TEX11: variants seen among roughly 807,000 people sequenced by gnomAD.
The protein encoded by TEX11 is testis-expressed protein 11.
TEX11 carries 7 observed loss-of-function variants against 84.4 expected under a neutral mutation model. The observed-to-expected ratio is 0.08, with a 90% CI of 0.05 to 0.16. TEX11 has a LOEUF of 0.16. Ranked by LOEUF, TEX11 falls within the 10% of genes least tolerant of loss-of-function variation. TEX11 has a pLI of 1.00. For synonymous variants in TEX11, 264 were observed against 222.8 expected, an observed-to-expected ratio of 1.18 and a Z score of -1.64; for missense variants, 551 against 660.5, an observed-to-expected ratio of 0.83 and a Z score of 1.82.
intron 9 of TEX11, among the ~76,000 whole-genome samples, chrX:70,804,696 C>T (rs1037293365): frequency 1.8e-5 from 2 of 111,076 alleles, no homozygotes; most frequent in East Asian, 2.8e-4. Context: ...CAAATATAGC[C>T]GCTAAGATAT....
chrX:70,700,387 T>A (rs961878949), intron 13 of TEX11, among the ~76,000 whole-genome samples: 1 of 112,248 alleles, frequency 8.9e-6, no homozygotes, highest in Admixed American at 9.5e-5. Context: ...TGTGTCTCTC[T>A]GTCACATTTA....
At chrX:70,889,733 G>A (rs1387328496) in intron 2 of TEX11, among the ~76,000 whole-genome samples, 1 of 111,414 alleles carries the variant, frequency 9.0e-6, no homozygotes, top group African/African-American at 3.3e-5. Context: ...AAAATAATGG[G>A]TTATAAGATA....
intron 25 of TEX11, among the ~76,000 whole-genome samples, chrX:70,566,682 T>G (rs1454070631): frequency 9.0e-6 from 1 of 111,656 alleles, no homozygotes; most frequent in Non-Finnish European, 1.9e-5. Context: ...TTGTCTTTGG[T>G]TCTGTTTATA....
At chrX:70,677,087 T>C (rs1306020954) in intron 15 of TEX11, among the ~76,000 whole-genome samples, 1 of 112,371 alleles carries the variant, frequency 8.9e-6, no homozygotes, top group Non-Finnish European at 1.9e-5. Context: ...CCTCTTCACA[T>C]GCTCAGTAAT....
At chrX:70,652,404 G>A (rs914490588) in intron 16 of TEX11, among the ~76,000 whole-genome samples, 2 of 111,543 alleles carry the variant, frequency 1.8e-5, no homozygotes, top group East Asian at 5.6e-4. Context: ...CAGCAGAAAC[G>A]AGATAGCAGA....
chrX:70,597,637 T>A (rs2089025516), intron 24 of TEX11, among the ~76,000 whole-genome samples: 1 of 112,072 alleles, frequency 8.9e-6, no homozygotes, highest in Non-Finnish European at 1.9e-5. Flanking sequence ...ATCACAGATC[T>A]ACATGTAAGA....
chrX:70,576,370 T>C (rs565854338), intron 25 of TEX11, among the ~76,000 whole-genome samples: 1 of 112,426 alleles, frequency 8.9e-6, no homozygotes, highest in East Asian at 2.8e-4. Flanking sequence ...ATTTTAAGCA[T>C]TAGTTCATTG....
At chrX:70,515,065 TCACA>T in the TEX11 span, among the ~76,000 whole-genome samples, 48 of 87,615 alleles carry the variant, frequency 5.5e-4, no homozygotes, top group Non-Finnish European at 7.8e-4. Context: ...TGAAACTCGG[TCACA>T]CACACACACA....
At chrX:70,888,099 A>T (rs2091719496) in intron 2 of TEX11, among the ~76,000 whole-genome samples, 2 of 113,035 alleles carry the variant, frequency 1.8e-5, no homozygotes, top group African/African-American at 6.4e-5. Context: ...CCAAAGAAGG[A>T]CAGGTACAAA....
intron 13 of TEX11, among the ~76,000 whole-genome samples, chrX:70,685,766 A>G (rs1413695847): frequency 8.9e-6 from 1 of 111,944 alleles, no homozygotes; most frequent in Non-Finnish European, 1.9e-5. Context: ...AATAATTGCC[A>G]TTCTGACTGG....
chrX:70,564,463 T>A (rs5980967), intron 25 of TEX11, among the ~76,000 whole-genome samples: 21,802 of 108,937 alleles, frequency 0.2, 1,802 homozygotes, highest in African/African-American at 0.23. Flanking sequence ...TGCAGGTTAG[T>A]TACATATGTA....
intron 17 of TEX11, among the ~76,000 whole-genome samples, chrX:70,644,816 A>G (rs1214227179): frequency 1.0e-5 from 1 of 98,871 alleles, no homozygotes; most frequent in African/African-American, 3.7e-5. Context: ...AGATATACCT[A>G]ATGCTAGATG....
intron 28 of TEX11, among the ~76,000 whole-genome samples, chrX:70,539,191 C>A (rs1442519762): frequency 9.4e-6 from 1 of 106,183 alleles, no homozygotes; most frequent in Non-Finnish European, 1.9e-5. Flanking sequence ...CCTACCACCA[C>A]GCCCGGCTAA....
At chrX:70,786,633 CA>C (rs1379110465) in intron 9 of TEX11, among the ~76,000 whole-genome samples, 1 of 111,186 alleles carries the variant, frequency 9.0e-6, no homozygotes, top group Non-Finnish European at 1.9e-5. Flanking sequence ...AATTACAGAC[CA>C]ATAACCTTGA....
chrX:70,584,412 C>T (rs933657628), intron 25 of TEX11, among the ~76,000 whole-genome samples: 3 of 111,303 alleles, frequency 2.7e-5, no homozygotes, highest in African/African-American at 9.8e-5. Context: ...AATTTAAAAC[C>T]TCCCAATAAA....
intron 16 of TEX11, among the ~76,000 whole-genome samples, chrX:70,657,225 G>A (rs1569384218): frequency 1.8e-5 from 2 of 110,667 alleles, no homozygotes; most frequent in South Asian, 7.7e-4. Flanking sequence ...GGACAGTGTG[G>A]GTGTACACCA....
At chrX:70,848,395 C>G (rs989198316) in intron 7 of TEX11, among the ~76,000 whole-genome samples, 1 of 111,822 alleles carries the variant, frequency 8.9e-6, no homozygotes, top group African/African-American at 3.2e-5. Flanking sequence ...CTCTTCCCCA[C>G]TTTCCTAAGT....
intron 13 of TEX11, among the ~76,000 whole-genome samples, chrX:70,688,621 T>C (rs2090208572): frequency 2.7e-5 from 3 of 109,533 alleles, no homozygotes; most frequent in Admixed American, 9.9e-5. Context: ...GATGAAGAGA[T>C]GAGGCACAGA....
At chrX:70,690,496 G>A (rs1226914136) in intron 13 of TEX11, among the ~76,000 whole-genome samples, 2 of 111,134 alleles carry the variant, frequency 1.8e-5, no homozygotes, top group Non-Finnish European at 3.8e-5. Flanking sequence ...AGTTCGGGAC[G>A]AGCCTGGGCA....
Sources: allele counts gnomAD v4.1 joint callset (sites outside exome capture counted in the v4.1 genomes callset), GRCh38; gene constraint gnomAD v4.1.1; transcripts MANE v1.5; gene names NCBI Gene and HGNC (gene_info 2026-07-23, HGNC 2026-07-21).